The following LYPLA1 variants were observed in gnomAD, a reference collection of about 807,000 sequenced individuals.
The protein encoded by LYPLA1 is lysophospholipase 1, also known as acyl-protein thioesterase 1.
LYPLA1 carries 17 observed loss-of-function variants against 34.0 expected under a neutral mutation model. That is an observed-to-expected ratio of 0.50 (90% CI 0.34 to 0.75). LYPLA1 has a LOEUF of 0.75. Ranked by LOEUF, LYPLA1 falls within the 30% of genes least tolerant of loss-of-function variation. The pLI is 0.01. For missense variants in LYPLA1, 203 were observed against 288.8 expected, an observed-to-expected ratio of 0.70 and a Z score of 2.15; for synonymous variants, 98 against 100.8, an observed-to-expected ratio of 0.97 and a Z score of 0.17.
At chr8:54,045,856 T>C (rs1306868593), downstream of LYPLA1, among the ~76,000 whole-genome samples, 2 of 152,198 alleles carry the variant, frequency 1.3e-5, no homozygotes, top group East Asian at 1.9e-4. Context: ...AGGTCAGGAG[T>C]TGGAGACCAG....
intron 2 of LYPLA1, among the ~76,000 whole-genome samples, chr8:54,074,798 T>C (rs1199810562): frequency 5.3e-5 from 8 of 152,206 alleles, no homozygotes; most frequent in Non-Finnish European, 1.0e-4. Context: ...ATTCCCTCAT[T>C]TGGGAGACTA....
intron 2 of LYPLA1, among the ~76,000 whole-genome samples, chr8:54,097,201 T>C (rs1809751445): frequency 6.6e-6 from 1 of 152,130 alleles, no homozygotes; most frequent in South Asian, 2.1e-4. Flanking sequence ...ACCACCTTAA[T>C]CAAAAGATCG....
At chr8:54,101,261 G>C (rs912295717) in intron 1 of LYPLA1, 2 of 808,914 alleles carry the variant, frequency 2.5e-6, no homozygotes. Context: ...ATATCCTGTA[G>C]AATTTTTCCA....
intron 2 of LYPLA1, among the ~76,000 whole-genome samples, chr8:54,094,999 A>G (rs1212375546): frequency 2.6e-5 from 4 of 152,160 alleles, no homozygotes; most frequent in Non-Finnish European, 5.9e-5. Context: ...TCTACCCCAC[A>G]GTAGACTGCT....
chr8:54,052,709 C>T lies in LYPLA1; in HGVS notation c.408G>A (p.Leu136=), dbSNP rs1343352977. 3.1e-6 allele frequency: 5 copies of T among 1,613,828 alleles called. No individual in the cohort carries two copies. In the African/African-American group the frequency reaches 6.7e-5, roughly 22 times the overall value. Residue 136 remains leucine, a synonymous_variant, in exon 7 of 9, where the codon CTG becomes CTA. Transcript: ENST00000316963. ...AGCAACTGAGTGCAGTGACACCTGC[C>T]AGTTTCTGCTGTGTGGTAAGGGCAG... ...LYTALTTQQK[L]AGVTALSCWL...
chr8:54,067,850 A>AT (rs533271588), intron 2 of LYPLA1, among the ~76,000 whole-genome samples: 2,547 of 148,424 alleles, frequency 0.017, 32 homozygotes, highest in South Asian at 0.044. Flanking sequence ...CACCAGCTAA[A>AT]TTTTTTTTTT....
chr8:54,067,422 C>G (rs1458489693), intron 2 of LYPLA1, among the ~76,000 whole-genome samples: 1 of 152,128 alleles, frequency 6.6e-6, no homozygotes, highest in Non-Finnish European at 1.5e-5. Flanking sequence ...CAAAGCAGAA[C>G]ATGGAATAAT....
chr8:54,049,925 C>T (rs1805735560), intron 8 of LYPLA1, among the ~76,000 whole-genome samples: 1 of 152,150 alleles, frequency 6.6e-6, no homozygotes, highest in African/African-American at 2.4e-5. Context: ...ACTATTTCTC[C>T]TTAATCCTTC....
intron 5 of LYPLA1, among the ~76,000 whole-genome samples, chr8:54,058,716 C>T (rs960997935): frequency 2.0e-5 from 3 of 151,900 alleles, no homozygotes; most frequent in African/African-American, 7.3e-5. Flanking sequence ...GCTGAGGGGG[C>T]CACAGACATG....
At chr8:54,081,121 A>C (rs1031870007) in intron 2 of LYPLA1, among the ~76,000 whole-genome samples, 1 of 152,176 alleles carries the variant, frequency 6.6e-6, no homozygotes, top group Non-Finnish European at 1.5e-5. Context: ...ACTAGTTTCT[A>C]CCCCTGTCTG....
intron 2 of LYPLA1, among the ~76,000 whole-genome samples, chr8:54,086,110 T>C (rs962470414): frequency 2.6e-5 from 4 of 152,218 alleles, no homozygotes; most frequent in Non-Finnish European, 5.9e-5. Flanking sequence ...TGGGATGCTG[T>C]TAATCTATAA....
rs568757802 is a variant in LYPLA1 at position 54,092,605 on chromosome 8, C to T, written c.101+8303G>A. 5.9e-5 allele frequency among the ~76,000 whole-genome samples: 9 copies of T among 152,292 alleles called. No individual in the cohort carries two copies. In the East Asian group the frequency reaches 1.5e-3, roughly 26 times the overall value. On this transcript the variant is annotated intron_variant, in intron 2 of 8. Transcript: ENST00000316963. ...GTCTATACAGGTTATAAAACTCTGA[C>T]TCCAACCATATTAATATAAAAAGGA...
At chr8:54,069,280 G>A (rs1225912139) in intron 2 of LYPLA1, among the ~76,000 whole-genome samples, 3 of 152,142 alleles carry the variant, frequency 2.0e-5, no homozygotes, top group Non-Finnish European at 4.4e-5. Context: ...AACGATAAAT[G>A]TTTGAGGTGA....
intron 2 of LYPLA1, among the ~76,000 whole-genome samples, chr8:54,097,399 AAAATC>A (rs1344353721): frequency 1.3e-5 from 2 of 152,250 alleles, no homozygotes; most frequent in African/African-American, 4.8e-5. Flanking sequence ...AAGACAAAAG[AAAATC>A]TAGGGAATTG....
intron 1 of LYPLA1, 99 bp from the exon 2 acceptor site, chr8:54,101,038 T>C: frequency 1.0e-6 from 1 of 1,002,072 alleles, no homozygotes; most frequent in African/African-American, 1.6e-5. Context: ...GAACGAAACC[T>C]ACGAGAGAAT....
intron 2 of LYPLA1, among the ~76,000 whole-genome samples, chr8:54,076,056 A>G (rs969699280): frequency 1.3e-5 from 2 of 152,196 alleles, no homozygotes; most frequent in East Asian, 3.9e-4. Flanking sequence ...AAGAGCTCCT[A>G]TTATCTGGAA....
intron 2 of LYPLA1, among the ~76,000 whole-genome samples, chr8:54,069,419 T>TA (rs1391467163): frequency 6.6e-6 from 1 of 151,874 alleles, no homozygotes; most frequent in East Asian, 1.9e-4. Context: ...AAAAATACTT[T>TA]AAAAAAAACT....
Position 54,053,110 on chromosome 8 carries a change from T to C in LYPLA1, c.361-354A>G, listed in dbSNP as rs189383810. On this transcript the variant is annotated intron_variant, in intron 6 of 8. Transcript: ENST00000316963. ...ATTGGTATTACTTTTTTTTTTTTTT[T>C]TGAGATGGAGTTTCACTCTTGTTGC... is the stretch of plus-strand genomic sequence containing the variant. 1,776 of 189,456 alleles carry C rather than the reference T, an allele frequency of 9.4e-3. 7 individuals carry two copies. Among genetic ancestry groups the C allele is most frequent in the Non-Finnish European group, 0.015 (1,310 of 89,396 alleles). 11.7% of individuals were successfully genotyped at this position (189,456 alleles called of 1,614,324 possible). A position where few individuals can be genotyped will look rare whatever the true frequency, so the allele number is the denominator to read the frequency against.
chr8:54,058,580 T>C (rs1806367706), intron 5 of LYPLA1, among the ~76,000 whole-genome samples: 1 of 151,738 alleles, frequency 6.6e-6, no homozygotes, highest in Admixed American at 6.6e-5. Context: ...AAATCTCTTT[T>C]GCTCGCTCAC....
Sources: gnomAD v4.1 joint callset for allele counts (sites outside exome capture counted in the v4.1 genomes callset) on GRCh38, gnomAD v4.1.1 for gene constraint, MANE v1.5 for transcripts, NCBI Gene and HGNC (gene_info 2026-07-23, HGNC 2026-07-21) for gene names.